The following LRRC20 variants were observed in gnomAD, a reference collection of about 807,000 sequenced individuals.
LRRC20 encodes the protein leucine-rich repeat-containing protein 20.
A neutral mutation model predicts 14.4 loss-of-function variants in LRRC20; 11 were observed. That is an observed-to-expected ratio of 0.77 (90% CI 0.48 to 1.27). LRRC20 has a LOEUF of 1.27. Among genes scored for constraint, LRRC20 ranks in the 50% most tolerant of loss-of-function variants. The probability of loss-of-function intolerance (pLI) is 0.00; values close to 1 mark genes in which losing one functional copy is unlikely to be tolerated. For synonymous variants in LRRC20, 121 were observed against 107.3 expected (o/e 1.13, Z -0.79); for missense variants, 219 against 251.2 (o/e 0.87, Z 0.87).
At chr10:70,374,256 G>A (rs777362688) in intron 2 of LRRC20, among the ~76,000 whole-genome samples, 1 of 151,676 alleles carries the variant, frequency 6.6e-6, no homozygotes, top group Non-Finnish European at 1.5e-5. Context: ...CTTCCCCAAC[G>A]CCCCGGTGAG....
chr10:70,376,396 A>G (rs957660325), intron 2 of LRRC20, 56 bp downstream of exon 2: 1 of 1,550,970 alleles, frequency 6.4e-7, no homozygotes, highest in South Asian at 1.1e-5. Context: ...TTTCATTTCT[A>G]AGCTGATCTC....
intron 3 of LRRC20, 100 bp downstream of exon 3, chr10:70,340,453 C>T: frequency 7.1e-7 from 1 of 1,414,320 alleles, no homozygotes; most frequent in South Asian, 1.3e-5. Context: ...ATGGGTGTCG[C>T]TGACCAGGGA....
intron 4 of LRRC20, among the ~76,000 whole-genome samples, chr10:70,309,308 C>T (rs1216840779): frequency 6.6e-6 from 1 of 152,212 alleles, no homozygotes; most frequent in East Asian, 1.9e-4. Flanking sequence ...GTTTGAGGCC[C>T]TATGCTAGAC....
intron 4 of LRRC20, among the ~76,000 whole-genome samples, chr10:70,313,761 C>T (rs1003447628): frequency 6.6e-6 from 1 of 152,170 alleles, no homozygotes; most frequent in African/African-American, 2.4e-5. Context: ...TCACAAGATT[C>T]CTAACCTCCC....
At chr10:70,324,309 C>G (rs942323333) in intron 3 of LRRC20, among the ~76,000 whole-genome samples, 1 of 152,230 alleles carries the variant, frequency 6.6e-6, no homozygotes, top group African/African-American at 2.4e-5. Context: ...AAGCCTGGGC[C>G]TCAGCGAGGG....
At chr10:70,305,922 A>T (rs1379359452) in intron 4 of LRRC20, among the ~76,000 whole-genome samples, 1 of 152,064 alleles carries the variant, frequency 6.6e-6, no homozygotes, top group Non-Finnish European at 1.5e-5. Context: ...TTATATTTTT[A>T]GTAGAGACGG....
chr10:70,372,880 A>G (rs968313354), intron 2 of LRRC20, among the ~76,000 whole-genome samples: 5 of 151,388 alleles, frequency 3.3e-5, no homozygotes, highest in Admixed American at 2.6e-4. Context: ...AGGCAGGTAG[A>G]TCGCTTGAGG....
At chr10:70,343,231 C>T (rs1842975055) in intron 2 of LRRC20, among the ~76,000 whole-genome samples, 1 of 152,122 alleles carries the variant, frequency 6.6e-6, no homozygotes, top group Non-Finnish European at 1.5e-5. Context: ...GTATTAATCC[C>T]TTTTTGTGCT....
intron 4 of LRRC20, among the ~76,000 whole-genome samples, chr10:70,319,414 T>C (rs1031161996): frequency 6.6e-6 from 1 of 152,058 alleles, no homozygotes; most frequent in Non-Finnish European, 1.5e-5. Context: ...GCTGCTGGGG[T>C]GAACAAGCTG....
At chr10:70,326,914 C>T (rs546201594) in intron 3 of LRRC20, among the ~76,000 whole-genome samples, 6 of 152,356 alleles carry the variant, frequency 3.9e-5, no homozygotes, top group Admixed American at 3.9e-4. Context: ...CCGCCTCAGC[C>T]TCCCAAAGTG....
At chr10:70,368,318 C>A (rs1290047162) in intron 2 of LRRC20, among the ~76,000 whole-genome samples, 1 of 151,288 alleles carries the variant, frequency 6.6e-6, no homozygotes, top group Non-Finnish European at 1.5e-5. Flanking sequence ...CCACCACGCC[C>A]GGCTAATTTT....
At position 70,301,243 on chromosome 10, in the gene LRRC20, C is replaced by A; in HGVS notation, c.*111G>T. The A allele has an allele frequency of 6.8e-7, 1 of 1,459,976 alleles. No homozygotes were observed. The highest frequency in any genetic ancestry group is 2.4e-5 in the East Asian group (1 of 41,814). The allele number at this position is 1,459,976 out of a possible 1,614,324, so 90.4% of individuals were successfully genotyped here. ...TGCACCCCACCCACCACGTGCTGCT[C>A]GGCCCACCCGCCCCCAGCCCCCAGG... is the stretch of plus-strand genomic sequence containing the variant. On this transcript the variant is annotated 3_prime_UTR_variant, in exon 5 of 5. Transcript: ENST00000446961.
At chr10:70,326,485 C>T (rs960587043) in intron 3 of LRRC20, among the ~76,000 whole-genome samples, 1 of 152,176 alleles carries the variant, frequency 6.6e-6, no homozygotes, top group Non-Finnish European at 1.5e-5. Context: ...AATAATGACT[C>T]TTCTCCCCTC....
chr10:70,311,291 C>T (rs374584179), intron 4 of LRRC20, among the ~76,000 whole-genome samples: 11 of 142,778 alleles, frequency 7.7e-5, no homozygotes, highest in South Asian at 2.3e-4. Flanking sequence ...TGCAATGGCG[C>T]GATCTCAGCT....
intron 2 of LRRC20, among the ~76,000 whole-genome samples, chr10:70,352,475 G>A (rs148878843): frequency 2.2e-4 from 33 of 152,284 alleles, no homozygotes; most frequent in African/African-American, 7.5e-4. Context: ...GGATTCTCAG[G>A]CGGTGAAAGT....
intron 2 of LRRC20, among the ~76,000 whole-genome samples, chr10:70,369,877 C>T (rs748356230): frequency 3.7e-3 from 53 of 14,282 alleles, no homozygotes; most frequent in Non-Finnish European, 1.8e-3. Context: ...GTCAGGAGTT[C>T]GAGACCAGCC....
intron 4 of LRRC20, among the ~76,000 whole-genome samples, chr10:70,314,179 C>T (rs998792824): frequency 2.6e-5 from 4 of 152,132 alleles, no homozygotes; most frequent in African/African-American, 4.8e-5. Context: ...ATGGGAGCTA[C>T]AATTCAAGAT....
intron 4 of LRRC20, among the ~76,000 whole-genome samples, chr10:70,321,319 C>T (rs1299705174): frequency 2.0e-5 from 3 of 152,174 alleles, no homozygotes; most frequent in African/African-American, 7.2e-5. Context: ...CTACCTTCGT[C>T]GCTGTCACTG....
At chr10:70,339,873 C>T (rs755919644) in intron 3 of LRRC20, among the ~76,000 whole-genome samples, 21 of 152,126 alleles carry the variant, frequency 1.4e-4, no homozygotes, top group South Asian at 2.1e-4. Context: ...GTAATCCCAG[C>T]GCTTTGGGAG....
Sources: gnomAD v4.1 joint callset for allele counts (sites outside exome capture counted in the v4.1 genomes callset) on GRCh38, gnomAD v4.1.1 for gene constraint, MANE v1.5 for transcripts, NCBI Gene and HGNC (gene_info 2026-07-23, HGNC 2026-07-21) for gene names.